POPDC2: variants seen among roughly 807,000 people sequenced by gnomAD.
POPDC2 encodes popeye domain cAMP effector 2.
POPDC2 carries 24 observed loss-of-function variants against 30.5 expected under a neutral mutation model. The observed-to-expected ratio is 0.79, with a 90% CI of 0.57 to 1.11. The LOEUF (loss-of-function observed/expected upper bound fraction) is 1.11. Ranked by LOEUF, POPDC2 falls within the 50% of genes least tolerant of loss-of-function variation. The pLI is 0.00. For synonymous variants in POPDC2, 185 were observed against 183.3 expected, an observed-to-expected ratio of 1.01 and a Z score of -0.07; for missense variants, 409 against 447.0, an observed-to-expected ratio of 0.91 and a Z score of 0.77.
At position 119,659,603 on chromosome 3, in the gene POPDC2, C is replaced by T. The variant is rs116632938; in HGVS notation, c.491+330G>A. On this transcript the variant is annotated intron_variant, in intron 1 of 3. Coordinates refer to ENST00000493094, the MANE Select transcript of POPDC2 (RefSeq NM_001369919.2). ...ATATTGCTGCAGCTTAGGCATGACA[C>T]ACTGATATGTGTGTGGTGATGGTAG... Among the ~76,000 whole-genome samples, 224 of 152,324 alleles carry T rather than the reference C, an allele frequency of 1.5e-3. 1 individual carries two copies. Among genetic ancestry groups the T allele is most frequent in the African/African-American group, 5.1e-3 (213 of 41,560 alleles).
At chr3:119,651,914 G>A (rs1181201778) in intron 2 of POPDC2, among the ~76,000 whole-genome samples, 2 of 152,160 alleles carry the variant, frequency 1.3e-5, no homozygotes, top group African/African-American at 2.4e-5. Flanking sequence ...GGTTATAGGT[G>A]TGAGCCACCG....
At chr3:119,646,439 T>A (rs1453543808) in intron 3 of POPDC2, among the ~76,000 whole-genome samples, 1 of 152,050 alleles carries the variant, frequency 6.6e-6, no homozygotes, top group Non-Finnish European at 1.5e-5. Context: ...GAGAACAACC[T>A]GGGCAACATG....
At position 119,648,170 on chromosome 3, in the gene POPDC2, T is replaced by C. The variant is rs762877387; in HGVS notation, c.1099A>G (p.Met367Val). 8 of 1,527,318 alleles carry C rather than the reference T, an allele frequency of 5.2e-6. No individual in the cohort carries two copies. In the South Asian group the frequency reaches 7.4e-5, roughly 14 times the overall value. The allele number at this position is 1,527,318 out of a possible 1,614,324, so 94.6% of individuals were successfully genotyped here. A position where few individuals can be genotyped will look rare whatever the true frequency, so the allele number is the denominator to read the frequency against. ...FMDYRSDGEYMR is the reference protein window; with the variant it reads ...FMDYRSDGEYVR Reference sequence around the variant, plus strand: ...CCATGTTAGTTCTCCCTTCACCTCATGTACTCCCCATCACTCCTATAATCC... The same window carrying C: ...CCATGTTAGTTCTCCCTTCACCTCACGTACTCCCCATCACTCCTATAATCC... Residue 367 changes from methionine (M) to valine (V), a missense_variant, in exon 3 of 4, where the codon ATG becomes GTG. Coordinates refer to ENST00000493094, the MANE Select transcript of POPDC2 (RefSeq NM_001369919.2).
In POPDC2 at chr3:119,648,389, C is replaced by G. The variant is rs1325413005; in HGVS notation, c.880G>C (p.Val294Leu). 1 of 1,614,130 alleles carries G rather than the reference C, an allele frequency of 6.2e-7. No homozygotes were observed. The highest frequency in any genetic ancestry group is 8.5e-7 in the Non-Finnish European group (1 of 1,180,030). ...GTGGGTGTGGCCTGAGGAGGGGACA[C>G]AGCTGGCTCACAGACTTCCTCATCA... ...KGDEEVCEPA[V>L]SPPQATPTSL... is the part of the protein sequence containing the mutation. Residue 294 changes from valine to leucine, a missense_variant, in exon 3 of 4, where the codon GTG becomes CTG. By Grantham distance (32) the Val-to-Leu change is conservative. Coordinates refer to ENST00000493094, the MANE Select transcript of POPDC2 (RefSeq NM_001369919.2).
At chr3:119,654,717 A>C in intron 1 of POPDC2, 104 bp from the exon 2 acceptor site, 1 of 820,038 alleles carries the variant, frequency 1.2e-6, no homozygotes, top group Non-Finnish European at 2.0e-6. Context: ...TTCCTGTAGA[A>C]ATACTTTGCC....
intron 1 of POPDC2, 199 bp from the exon 2 acceptor site, chr3:119,654,812 C>T (rs1328304004): frequency 3.7e-6 from 2 of 540,616 alleles, no homozygotes; most frequent in African/African-American, 1.9e-5. Flanking sequence ...TTGAGACTTC[C>T]AGAACCCTCA....
intron 3 of POPDC2, among the ~76,000 whole-genome samples, chr3:119,646,915 T>A (rs2052751779): frequency 6.6e-6 from 1 of 152,088 alleles, no homozygotes; most frequent in South Asian, 2.1e-4. Flanking sequence ...AAAGGAGTGA[T>A]CAGAGTTGTC....
chr3:119,660,138 C>T lies in POPDC2; in HGVS notation c.286G>A (p.Val96Ile), dbSNP rs776308292. The change falls in exon 1 of 4, where the codon GTA becomes ATA. Residue 96 changes from valine to isoleucine, a missense_variant. Coordinates refer to ENST00000493094, the MANE Select transcript of POPDC2 (RefSeq NM_001369919.2). ...AGGGTGTCCTCACGCAGGCGGTATA[C>T]CAGGTGTGCCAGCTGGAGCAGGCAG... ...VVCLLQLAHL[V>I]YRLREDTLPE... The T allele has an allele frequency of 6.2e-7, 1 of 1,614,214 alleles. No individual in the cohort carries two copies. The highest frequency in any genetic ancestry group is 8.5e-7 in the Non-Finnish European group (1 of 1,180,038).
In POPDC2 at chr3:119,645,527, C is replaced by T. The variant is rs1228788841; in HGVS notation, c.*43+2592G>A. Among the ~76,000 whole-genome samples, 3 of 143,678 alleles carry T rather than the reference C, an allele frequency of 2.1e-5. No homozygotes were observed. The Admixed American group carries it at 2.2e-4, about 10-fold the overall frequency. 94.3% of individuals were successfully genotyped at this position (143,678 alleles called of 152,430 possible). On this transcript the variant is annotated intron_variant, in intron 3 of 3. Coordinates refer to ENST00000493094, the MANE Select transcript of POPDC2 (RefSeq NM_001369919.2). ...GCAGTGAGCCGAGATCGCGCCACTGCGCTGCAGCCTGGGTGACAAAGCGAG... is the reference window on the plus strand; with the variant it reads ...GCAGTGAGCCGAGATCGCGCCACTGTGCTGCAGCCTGGGTGACAAAGCGAG...
At chr3:119,660,804 A>G, upstream of POPDC2, 4 of 186,912 alleles carry the variant, frequency 2.1e-5, no homozygotes, top group South Asian at 3.5e-4. Flanking sequence ...CCCAAGGGAA[A>G]GTAGCACTAC....
chr3:119,650,054 A>C (rs2052791583), intron 2 of POPDC2, among the ~76,000 whole-genome samples: 1 of 152,270 alleles, frequency 6.6e-6, no homozygotes, highest in African/African-American at 2.4e-5. Context: ...CATTACTAAT[A>C]GTTCAGCAAG....
chr3:119,647,521 A>G (rs2052758751), intron 3 of POPDC2, among the ~76,000 whole-genome samples: 1 of 152,230 alleles, frequency 6.6e-6, no homozygotes, highest in African/African-American at 2.4e-5. Flanking sequence ...CTATCTGATC[A>G]TAGTAACATT....
intron 2 of POPDC2, among the ~76,000 whole-genome samples, chr3:119,653,057 CAT>C (rs1491442034): frequency 8.3e-5 from 12 of 144,498 alleles, no homozygotes; most frequent in East Asian, 2.1e-4. Flanking sequence ...CATGCGTGTG[CAT>C]GTGTGTGTGT....
intron 3 of POPDC2, among the ~76,000 whole-genome samples, chr3:119,647,883 G>A (rs1264623362): frequency 6.6e-6 from 1 of 152,174 alleles, no homozygotes; most frequent in African/African-American, 2.4e-5. Flanking sequence ...CCTGCTCAAC[G>A]TATCAACCAG....
chr3:119,649,488 G>A (rs2052786083), intron 2 of POPDC2, among the ~76,000 whole-genome samples: 2 of 152,186 alleles, frequency 1.3e-5, no homozygotes, highest in African/African-American at 2.4e-5. Flanking sequence ...ATAATGATAA[G>A]TGGTAAAGCT....
rs749312673 is a variant in POPDC2, at chr3:119,643,465, GAAAGAA to G, written c.*44-910_*44-905del. 31 of 1,452,924 alleles carry G rather than the reference GAAAGAA, an allele frequency of 2.1e-5. 1 individual carries two copies. In the South Asian group the frequency reaches 3.3e-4, roughly 15 times the overall value. 90.0% of individuals were successfully genotyped at this position (1,452,924 alleles called of 1,614,324 possible). A position where few individuals can be genotyped will look rare whatever the true frequency, so the allele number is the denominator to read the frequency against. On this transcript the variant is annotated intron_variant, in intron 3 of 3. Transcript: ENST00000493094. ...TCATCTATCTCTGATAAAAGAAAGA[GAAAGAA>G]AGAGAGAGAGACTGCTAAACAATTG... is the stretch of plus-strand genomic sequence containing the variant.
intron 2 of POPDC2, among the ~76,000 whole-genome samples, chr3:119,649,996 A>C (rs1287479553): frequency 2.0e-5 from 3 of 152,216 alleles, no homozygotes; most frequent in African/African-American, 7.2e-5. Flanking sequence ...AAATTACTTA[A>C]TCTCTCTTGC....
chr3:119,657,306 G>C (rs1184777317), intron 1 of POPDC2, among the ~76,000 whole-genome samples: 1 of 152,102 alleles, frequency 6.6e-6, no homozygotes, highest in Non-Finnish European at 1.5e-5. Context: ...CTGGCCAATG[G>C]GATATCAGCA....
chr3:119,653,365 A>G (rs916253450), intron 2 of POPDC2, among the ~76,000 whole-genome samples: 3 of 152,178 alleles, frequency 2.0e-5, no homozygotes, highest in Non-Finnish European at 4.4e-5. Flanking sequence ...GGATTGGCAG[A>G]GATAAGAAGA....
Sources: allele counts gnomAD v4.1 joint callset (sites outside exome capture counted in the v4.1 genomes callset), GRCh38; gene constraint gnomAD v4.1.1; transcripts MANE v1.5; gene names NCBI Gene and HGNC (gene_info 2026-07-23, HGNC 2026-07-21).